Variants in CEP72 observed in about 807,000 individuals in gnomAD.
CEP72 encodes the protein centrosomal protein of 72 kDa.
A neutral mutation model predicts 65.7 loss-of-function variants in CEP72; 78 were observed. The observed-to-expected ratio is 1.19, with a 90% CI of 0.99 to 1.43. The LOEUF (loss-of-function observed/expected upper bound fraction) is 1.43, where lower values mean the gene tolerates loss of function less well. Among genes scored for constraint, CEP72 ranks in the 40% most tolerant of loss-of-function variants. CEP72 has a pLI of 0.00. For synonymous variants in CEP72, 358 were observed against 351.7 expected (o/e 1.02, Z -0.20); for missense variants, 914 against 832.9 (o/e 1.10, Z -1.20).
At chr5:652,085 C>T (rs928604374) in intron 11 of CEP72, among the ~76,000 whole-genome samples, 5 of 152,256 alleles carry the variant, frequency 3.3e-5, no homozygotes, top group South Asian at 2.1e-4. Flanking sequence ...CTGTGGCGGC[C>T]GCGGGTGCAG....
intron 3 of CEP72, chr5:665,402 G>C: frequency 9.7e-7 from 1 of 1,032,204 alleles, no homozygotes; most frequent in Non-Finnish European, 1.4e-6. Context: ...GGGGCACTGG[G>C]CAAGGGGCAT....
At chr5:652,455 T>G (rs1183890136) in intron 11 of CEP72, among the ~76,000 whole-genome samples, 2 of 152,212 alleles carry the variant, frequency 1.3e-5, no homozygotes, top group Admixed American at 6.5e-5. Context: ...ACTGGGTGAT[T>G]AGGGCAATTT....
chr5:646,699 C>A (rs1472670220), intron 10 of CEP72, among the ~76,000 whole-genome samples: 1 of 152,242 alleles, frequency 6.6e-6, no homozygotes, highest in African/African-American at 2.4e-5. Context: ...CCTGGCCTCA[C>A]CCTCATGGGA....
chr5:616,332 A>G (rs948935348), intron 1 of CEP72, among the ~76,000 whole-genome samples: 1 of 151,348 alleles, frequency 6.6e-6, no homozygotes, highest in East Asian at 1.9e-4. Flanking sequence ...TCTTCTTTAT[A>G]TCTCCTGTTT....
In CEP72 at chr5:637,740, G is replaced by A. The variant is rs1272961604; in HGVS notation, c.1128G>A (p.Arg376=). ...SLSRQDSSES[R]NGRTLSQPEA... Reference sequence around the variant, plus strand: ...GCAGACAGGACAGCTCAGAAAGCAGGAACGGGAGGACCTTGTCTCAGCCTG... The same window carrying A: ...GCAGACAGGACAGCTCAGAAAGCAGAAACGGGAGGACCTTGTCTCAGCCTG... Residue 376 remains arginine (R), a synonymous_variant, in exon 7 of 12, where the codon AGG becomes AGA. Transcript: ENST00000264935. 1.2e-6 allele frequency: 2 copies of A among 1,612,848 alleles called. No homozygotes were observed. Among genetic ancestry groups the A allele is most frequent in the Non-Finnish European group, 1.7e-6 (2 of 1,179,734 alleles).
At chr5:640,680 A>G in intron 9 of CEP72, 76 bp downstream of exon 9, 2 of 1,494,566 alleles carry the variant, frequency 1.3e-6, no homozygotes, top group Admixed American at 4.2e-5. Context: ...GAACGAGGGC[A>G]GCTCCTTGAT....
At chr5:640,271 A>G (rs1561051521) in intron 8 of CEP72, 137 bp from the exon 9 acceptor site, 2 of 1,195,860 alleles carry the variant, frequency 1.7e-6, no homozygotes, top group Non-Finnish European at 1.2e-6. Context: ...TTGTGGCGCC[A>G]ACACCCCTTT....
the CEP72 span, among the ~76,000 whole-genome samples, chr5:673,503 G>GCC: frequency 1.3e-5 from 2 of 152,072 alleles, no homozygotes; most frequent in Non-Finnish European, 2.9e-5. Flanking sequence ...CCCTCAGGCC[G>GCC]GAGTCCCAGT....
intron 7 of CEP72, 34 bp downstream of exon 7, chr5:637,852 G>A (rs1737720060): frequency 2.0e-6 from 3 of 1,482,420 alleles, no homozygotes; most frequent in Non-Finnish European, 2.7e-6. Context: ...CAGGCCCACG[G>A]CACTGCCTCC....
intron 4 of CEP72, among the ~76,000 whole-genome samples, chr5:627,818 T>C (rs534681245): frequency 6.6e-6 from 1 of 152,328 alleles, no homozygotes; most frequent in East Asian, 1.9e-4. Flanking sequence ...CACATTTACT[T>C]ATATTAAAAC....
intron 4 of CEP72, among the ~76,000 whole-genome samples, chr5:627,937 C>G (rs144221096): frequency 6.6e-6 from 1 of 152,228 alleles, no homozygotes; most frequent in African/African-American, 2.4e-5. Flanking sequence ...CCGTGACCAG[C>G]GGCAACGTGT....
intron 11 of CEP72, among the ~76,000 whole-genome samples, chr5:649,908 GT>G (rs2126821724): frequency 8.1e-6 from 1 of 123,338 alleles, no homozygotes; most frequent in East Asian, 2.6e-4. Flanking sequence ...TGTGACTGAG[GT>G]GTGACTGTGA....
At chr5:641,698 C>T (rs1051354719) in intron 9 of CEP72, 8 of 984,986 alleles carry the variant, frequency 8.1e-6, no homozygotes, top group Admixed American at 6.2e-5. Context: ...CCCCATCCCC[C>T]GTCCAGAAGT....
At chr5:626,029 A>G (rs1579948333) in intron 4 of CEP72, among the ~76,000 whole-genome samples, 1 of 77,818 alleles carries the variant, frequency 1.3e-5, no homozygotes, top group Non-Finnish European at 2.4e-5. Context: ...GGACTTCAAC[A>G]TGTCTTTTGG....
In CEP72 at chr5:619,219, C is replaced by T. The variant is rs896835313; in HGVS notation, c.210+102C>T. On this transcript the variant is annotated intron_variant, in intron 2 of 11. Transcript: ENST00000264935. ...CTGTTTTGTAACCCTCTGCTTACAT[C>T]TGTATACGGTACACTTTGTGTTGCG... is the stretch of plus-strand genomic sequence containing the variant. The T allele has an allele frequency of 2.3e-5, 23 of 981,718 alleles. 1 individual carries two copies. Among genetic ancestry groups the T allele is most frequent in the Non-Finnish European group, 3.6e-5 (23 of 633,402 alleles). 60.8% of individuals were successfully genotyped at this position (981,718 alleles called of 1,614,324 possible).
chr5:659,815 CCT>C (rs1477389090), downstream of CEP72: 4 of 152,442 alleles, frequency 2.6e-5, no homozygotes, highest in African/African-American at 7.2e-5. Flanking sequence ...GTACCTATCC[CCT>C]GTTATCACCT....
downstream of CEP72, among the ~76,000 whole-genome samples, chr5:670,115 G>T (rs1023782776): frequency 6.6e-6 from 1 of 152,190 alleles, no homozygotes; most frequent in Non-Finnish European, 1.5e-5. Context: ...GTCTCTCAGG[G>T]ACACTGGGAC....
chr5:670,204 G>A (rs1451428242), downstream of CEP72, among the ~76,000 whole-genome samples: 12 of 152,178 alleles, frequency 7.9e-5, no homozygotes, highest in South Asian at 2.1e-4. Flanking sequence ...CGGGGCGGAC[G>A]TCACAGGCCC....
Position 641,663 on chromosome 5 carries a change from C to CCT in CEP72, c.1539+1062_1539+1063dup, listed in dbSNP as rs1044183860. ...CATGTGGGCCTCCTCCATCTGGAAG[C>CCT]CTCTGTATTTAAACACACGTGGGTC... is the stretch of plus-strand genomic sequence containing the variant. On this transcript the variant is annotated intron_variant, in intron 9 of 11. Coordinates refer to ENST00000264935, the MANE Select transcript of CEP72 (RefSeq NM_018140.4). 1.2e-5 allele frequency: 12 copies of CCT among 984,738 alleles called. No homozygotes were observed. The African/African-American group carries it at 2.1e-4, about 17-fold the overall frequency. The allele number at this position is 984,738 out of a possible 1,614,324, so 61.0% of individuals were successfully genotyped here. A position where few individuals can be genotyped will look rare whatever the true frequency, so the allele number is the denominator to read the frequency against.
Sources: gnomAD v4.1 joint callset for allele counts (sites outside exome capture counted in the v4.1 genomes callset) on GRCh38, gnomAD v4.1.1 for gene constraint, MANE v1.5 for transcripts, NCBI Gene and HGNC (gene_info 2026-07-23, HGNC 2026-07-21) for gene names.